CRK: variants seen among roughly 807,000 people sequenced by gnomAD.
CRK encodes CRK proto-oncogene, adaptor protein.
CRK carries 4 observed loss-of-function variants against 29.8 expected under a neutral mutation model. That is an observed-to-expected ratio of 0.13 (90% CI 0.07 to 0.31). CRK has a LOEUF of 0.31. Ranked by LOEUF, CRK falls within the 10% of genes least tolerant of loss-of-function variation. The pLI is 1.00. For missense variants in CRK, 274 were observed against 396.5 expected (o/e 0.69, Z 2.62); for synonymous variants, 153 against 164.9 (o/e 0.93, Z 0.55).
rs538375710 is a variant in CRK at position 1,446,493 on chromosome 17, G to A, written c.242-9338C>T. ...CCAAGTCGCTCTGAAAGATGAGTGA[G>A]AGAAAACTTGGCAGATCATCTGGCG... On this transcript the variant is annotated intron_variant, in intron 1 of 2. Coordinates refer to ENST00000300574, the MANE Select transcript of CRK (RefSeq NM_016823.4). Among the ~76,000 whole-genome samples, 3 of 151,958 alleles carry A rather than the reference G, an allele frequency of 2.0e-5. No individual in the cohort carries two copies. The South Asian group carries it at 6.2e-4, about 32-fold the overall frequency.
rs145983279 is a variant in CRK, at chr17:1,436,835, C to T, written c.562G>A (p.Glu188Lys). 4.4e-6 allele frequency: 7 copies of T among 1,594,800 alleles called. No homozygotes were observed. The highest frequency in any genetic ancestry group is 1.3e-5 in the African/African-American group (1 of 74,500). ...GAGGCGGAGGCAGGTCTATACTTCT[C>T]GACGTAAGGGACTGGAATCATCCCT... ...KRGMIPVPYV[E>K]KYRPASASVS... The change falls in exon 2 of 3, where the codon GAG becomes AAG. Residue 188 changes from glutamate to lysine, a missense_variant. Physicochemically the swap from Glu to Lys is moderately conservative, Grantham distance 56 (BLOSUM62 1). Coordinates refer to ENST00000300574, the MANE Select transcript of CRK (RefSeq NM_016823.4).
chr17:1,442,444 A>G (rs556571523), intron 1 of CRK, among the ~76,000 whole-genome samples: 35 of 151,900 alleles, frequency 2.3e-4, no homozygotes, highest in African/African-American at 7.7e-4. Flanking sequence ...GCACCACTGC[A>G]GTACTGAGAT....
chr17:1,437,771 A>G (rs2073898368), intron 1 of CRK, among the ~76,000 whole-genome samples: 1 of 151,290 alleles, frequency 6.6e-6, no homozygotes, highest in Non-Finnish European at 1.5e-5. Context: ...CTCCCGTCTC[A>G]GCCTCCTGAG....
At chr17:1,427,186 G>A (rs1352435086) in intron 2 of CRK, among the ~76,000 whole-genome samples, 1 of 150,628 alleles carries the variant, frequency 6.6e-6, no homozygotes, top group East Asian at 1.9e-4. Context: ...AGTTACTCAG[G>A]AGGCTGAGGC....
intron 2 of CRK, among the ~76,000 whole-genome samples, chr17:1,424,301 G>C (rs1047732988): frequency 6.6e-6 from 1 of 152,046 alleles, no homozygotes; most frequent in Non-Finnish European, 1.5e-5. Flanking sequence ...TCCTGACCTT[G>C]TGATCCACCT....
At chr17:1,441,327 G>A (rs2073933413) in intron 1 of CRK, among the ~76,000 whole-genome samples, 1 of 151,938 alleles carries the variant, frequency 6.6e-6, no homozygotes, top group Non-Finnish European at 1.5e-5. Flanking sequence ...CTGAGTACAT[G>A]ATTTTGTTAT....
intron 2 of CRK, among the ~76,000 whole-genome samples, chr17:1,425,339 G>T (rs868715266): frequency 1.3e-5 from 2 of 151,928 alleles, no homozygotes; most frequent in Non-Finnish European, 2.9e-5. Context: ...TGATCCGCCC[G>T]CCTCGGCCTC....
chr17:1,436,471 A>C, intron 2 of CRK, 149 bp downstream of exon 2: 3 of 787,618 alleles, frequency 3.8e-6, no homozygotes, highest in Non-Finnish European at 5.6e-6. Context: ...AAGAAGAGAA[A>C]ACCCAACATT....
chr17:1,427,855 G>T (rs376748595), intron 2 of CRK, among the ~76,000 whole-genome samples: 3 of 151,742 alleles, frequency 2.0e-5, no homozygotes, highest in African/African-American at 7.2e-5. Flanking sequence ...GGCTTGTCTC[G>T]AACTCCTGAC....
chr17:1,444,983 C>T (rs2073963280), intron 1 of CRK, among the ~76,000 whole-genome samples: 1 of 151,186 alleles, frequency 6.6e-6, no homozygotes, highest in Non-Finnish European at 1.5e-5. Flanking sequence ...CCTGTCTCTA[C>T]TAAAAATACA....
In CRK at chr17:1,423,533, G is replaced by GA; in HGVS notation, c.894dup (p.Pro299SerfsTer3). ...TATACTCAGCTGAAGTCCTCATCGG[G>GA]ATTCTGTTGATCCAGCAGACGGACA... On this transcript the variant is annotated frameshift_variant, in exon 3 of 3. Coordinates refer to ENST00000300574, the MANE Select transcript of CRK (RefSeq NM_016823.4). LOFTEE classifies it high-confidence loss of function. 3.1e-6 allele frequency: 5 copies of GA among 1,614,002 alleles called. No individual in the cohort carries two copies. The highest frequency in any genetic ancestry group is 4.2e-6 in the Non-Finnish European group (5 of 1,179,998).
chr17:1,453,990 C>G (rs1210807330), intron 1 of CRK, among the ~76,000 whole-genome samples: 1 of 152,118 alleles, frequency 6.6e-6, no homozygotes, highest in African/African-American at 2.4e-5. Flanking sequence ...CACCTGAGAT[C>G]AGGAGTTCAA....
At position 1,432,476 on chromosome 17, in the gene CRK, TAAAAAAA is replaced by T. The variant is rs59669841; in HGVS notation, c.777+4137_777+4143del. Among the ~76,000 whole-genome samples the T allele has an allele frequency of 1.9e-3, 189 of 100,928 alleles. 1 individual carries two copies. Among genetic ancestry groups the T allele is most frequent in the African/African-American group, 7.1e-3 (170 of 23,868 alleles). 66.2% of individuals were successfully genotyped at this position (100,928 alleles called of 152,430 possible). The stretch of plus-strand genomic sequence containing the variant: ...TGGGTGACAGAGTGAGACCTTGTCT[TAAAAAAA>T]AAAAAAAAAAAAGGCCAGGCGCGGT... On this transcript the variant is annotated intron_variant, in intron 2 of 2. Coordinates refer to ENST00000300574, the MANE Select transcript of CRK (RefSeq NM_016823.4).
At chr17:1,427,697 T>C (rs1387756961) in intron 2 of CRK, among the ~76,000 whole-genome samples, 1 of 150,742 alleles carries the variant, frequency 6.6e-6, no homozygotes, top group Non-Finnish European at 1.5e-5. Context: ...TGACGCTATC[T>C]TGGCTCACTG....
rs2073723524 is a variant in CRK at position 1,421,440 on chromosome 17, T to A, written c.*2073A>T. 1 of 152,238 alleles carries A rather than the reference T, an allele frequency of 6.6e-6. No individual in the cohort carries two copies. The highest frequency in any genetic ancestry group is 2.4e-5 in the African/African-American group (1 of 41,478). 9.4% of individuals were successfully genotyped at this position (152,238 alleles called of 1,614,324 possible). On this transcript the variant is annotated 3_prime_UTR_variant, in exon 3 of 3. Transcript: ENST00000300574. ...CTGAAAATTTAACAAAGCAGTCAGA[T>A]GGAATTACATGTAGTATTACAAATG...
At position 1,444,696 on chromosome 17, in the gene CRK, T is replaced by G. The variant is rs1372311199; in HGVS notation, c.242-7541A>C. Among the ~76,000 whole-genome samples, 4 of 149,850 alleles carry G rather than the reference T, an allele frequency of 2.7e-5. No individual in the cohort carries two copies. The East Asian group carries it at 7.8e-4, about 29-fold the overall frequency. The stretch of plus-strand genomic sequence containing the variant: ...AAAAAAATACAAAATTAGCCAGGCG[T>G]GAGTCTCATGCCTGTAATCCCAGCT... On this transcript the variant is annotated intron_variant, in intron 1 of 2. Transcript: ENST00000300574.
chr17:1,425,382 A>T lies in CRK; in HGVS notation c.778-1732T>A, dbSNP rs991061478. Among the ~76,000 whole-genome samples, 3 of 152,064 alleles carry T rather than the reference A, an allele frequency of 2.0e-5. No individual in the cohort carries two copies. The South Asian group carries it at 6.2e-4, about 32-fold the overall frequency. ...GCTATGATTACAGGTGTGAGCCACC[A>T]CGCCTGGCCATCTTTTTATCTTTTG... On this transcript the variant is annotated intron_variant, in intron 2 of 2. Transcript: ENST00000300574.
At chr17:1,448,533 G>A (rs1182740523) in intron 1 of CRK, among the ~76,000 whole-genome samples, 3 of 145,208 alleles carry the variant, frequency 2.1e-5, no homozygotes, top group African/African-American at 7.7e-5. Flanking sequence ...TGAGGCAGGA[G>A]AACTGCCTGA....
chr17:1,436,138 C>T (rs1333866670), intron 2 of CRK, among the ~76,000 whole-genome samples: 3 of 152,150 alleles, frequency 2.0e-5, no homozygotes, highest in Admixed American at 6.6e-5. Context: ...CCTATTTCCT[C>T]CCGGATTCTA....
Sources: allele counts gnomAD v4.1 joint callset (sites outside exome capture counted in the v4.1 genomes callset), GRCh38; gene constraint gnomAD v4.1.1; transcripts MANE v1.5; gene names NCBI Gene and HGNC (gene_info 2026-07-23, HGNC 2026-07-21).